The following VAV3 variants were observed in gnomAD, a reference collection of about 807,000 sequenced individuals.
VAV3 encodes the protein vav guanine nucleotide exchange factor 3, also known as guanine nucleotide exchange factor VAV3.
Under a neutral mutation model 131.2 loss-of-function variants are expected in VAV3, and 94 were observed. The ratio of observed to expected loss-of-function variants is 0.72; its 90% CI spans 0.61 to 0.85. The LOEUF (loss-of-function observed/expected upper bound fraction) is 0.85. Ranked by LOEUF, VAV3 falls within the 40% of genes least tolerant of loss-of-function variation. The pLI, the probability that VAV3 is intolerant of heterozygous loss-of-function variation, is 0.00. For missense variants in VAV3, 939 were observed against 1,002.7 expected, an observed-to-expected ratio of 0.94 and a Z score of 0.86; for synonymous variants, 349 against 342.0, an observed-to-expected ratio of 1.02 and a Z score of -0.22.
Position 107,782,372 on chromosome 1 carries a change from AT to A in VAV3, c.322-2881del, listed in dbSNP as rs771475136. On this transcript the variant is annotated intron_variant, in intron 2 of 26. Transcript: ENST00000370056. ...GCCTCTTTCAGAAAACTATAGCTTGATTTTTTTCATGAGTGTCCACCAGAGG... is the reference window on the plus strand; with the variant it reads ...GCCTCTTTCAGAAAACTATAGCTTGATTTTTTCATGAGTGTCCACCAGAGG... Among the ~76,000 whole-genome samples the A allele has an allele frequency of 7.9e-5, 12 of 152,154 alleles. No individual in the cohort carries two copies. The South Asian group carries it at 1.2e-3, about 16-fold the overall frequency.
intron 2 of VAV3, among the ~76,000 whole-genome samples, chr1:107,793,114 T>C (rs1159372653): frequency 6.6e-6 from 1 of 152,186 alleles, no homozygotes; most frequent in Admixed American, 6.5e-5. Context: ...CTGCAGACAC[T>C]ATAAAATGCT....
intron 5 of VAV3, 136 bp from the exon 6 acceptor site, chr1:107,770,864 T>C (rs1557835692): frequency 1.6e-6 from 1 of 637,868 alleles, no homozygotes. Context: ...GACATCTAAC[T>C]GCATTTGTGA....
In VAV3 at chr1:107,635,505, A is replaced by G. The variant is rs1023859968; in HGVS notation, c.1914+7114T>C. Among the ~76,000 whole-genome samples the G allele has an allele frequency of 2.0e-4, 31 of 151,634 alleles. 1 individual carries two copies. The highest frequency in any genetic ancestry group is 4.1e-4 in the Non-Finnish European group (28 of 67,854). On this transcript the variant is annotated intron_variant, in intron 20 of 26. Coordinates refer to ENST00000370056, the MANE Select transcript of VAV3 (RefSeq NM_006113.5). ...GGAGGGGGGAGGGATAGCATTAGGA[A>G]ATACACCTAATGTTAAATGAGAAGT...
chr1:107,797,258 T>C (rs1666593054), intron 2 of VAV3, among the ~76,000 whole-genome samples: 1 of 152,196 alleles, frequency 6.6e-6, no homozygotes, highest in Admixed American at 6.5e-5. Flanking sequence ...ACTTCAGCTT[T>C]CTTATAACAC....
chr1:107,893,912 T>C (rs1336658454), intron 1 of VAV3, among the ~76,000 whole-genome samples: 1 of 152,224 alleles, frequency 6.6e-6, no homozygotes, highest in Non-Finnish European at 1.5e-5. Context: ...AGGAAAACTC[T>C]TTCATGAAAT....
At position 107,766,454 on chromosome 1, in the gene VAV3, T is replaced by C; in HGVS notation, c.814A>G (p.Lys272Glu). ...TTAAACTTCAAAAGTTACCTTTCCT[T>C]GTAGTTAATAAAAACTTGGTACAAG... ...QNLYQVFINY[K>E]ERLVIYGQYC... The change falls in exon 8 of 27, where the codon AAG becomes GAG. Residue 272 changes from lysine (K) to glutamate (E), a missense_variant. Physicochemically the swap from Lys to Glu is moderately conservative, Grantham distance 56. Coordinates refer to ENST00000370056, the MANE Select transcript of VAV3 (RefSeq NM_006113.5). 1 of 1,607,392 alleles carries C rather than the reference T, an allele frequency of 6.2e-7. No individual in the cohort carries two copies. Among genetic ancestry groups the C allele is most frequent in the South Asian group, 1.1e-5 (1 of 90,594 alleles).
rs1324008947 is a variant in VAV3 at position 107,617,572 on chromosome 1, G to C, written c.1975C>G (p.Pro659Ala). ...ATTAAGATACTAATACTTACACATG[G>C]GCAAGGCTTGACTGCATCACTTGGA... ...FFPSDAVKPC[P>A]CVPKPVDYSC... The change falls in exon 21 of 27, where the codon CCA (proline) becomes GCA (alanine). Residue 659 changes from proline (P) to alanine (A), a missense_variant. Coordinates refer to ENST00000370056, the MANE Select transcript of VAV3 (RefSeq NM_006113.5). 1 of 1,611,244 alleles carries C rather than the reference G, an allele frequency of 6.2e-7. No homozygotes were observed. Among genetic ancestry groups the C allele is most frequent in the Admixed American group, 1.7e-5 (1 of 59,828 alleles).
At chr1:107,606,472 C>T (rs561547705) in intron 22 of VAV3, among the ~76,000 whole-genome samples, 19 of 152,202 alleles carry the variant, frequency 1.2e-4, no homozygotes, top group South Asian at 2.1e-4. Flanking sequence ...ACATGTCCTT[C>T]GGTTCTGAGA....
intron 17 of VAV3, among the ~76,000 whole-genome samples, chr1:107,700,407 G>T (rs571580245): frequency 1.6e-4 from 24 of 152,306 alleles, no homozygotes; most frequent in African/African-American, 5.5e-4. Context: ...CATCACCTAA[G>T]AATTAAGTGC....
At chr1:107,818,482 G>A (rs1212937289) in intron 2 of VAV3, among the ~76,000 whole-genome samples, 2 of 151,926 alleles carry the variant, frequency 1.3e-5, no homozygotes, top group African/African-American at 2.4e-5. Context: ...AGGAAAGGAG[G>A]GGAAAGGAAG....
At chr1:107,624,828 T>C (rs1009257176) in intron 20 of VAV3, among the ~76,000 whole-genome samples, 1 of 152,228 alleles carries the variant, frequency 6.6e-6, no homozygotes, top group Non-Finnish European at 1.5e-5. Flanking sequence ...GGCACTGTGT[T>C]ACATACTAAG....
chr1:107,817,078 G>A (rs1308894060), intron 2 of VAV3, among the ~76,000 whole-genome samples: 1 of 152,150 alleles, frequency 6.6e-6, no homozygotes, highest in Non-Finnish European at 1.5e-5. Context: ...AGGTGCTAAG[G>A]TATCTTTCCA....
At chr1:107,606,757 T>C (rs768545429) in intron 22 of VAV3, among the ~76,000 whole-genome samples, 42 of 151,282 alleles carry the variant, frequency 2.8e-4, no homozygotes, top group Non-Finnish European at 4.9e-4. Flanking sequence ...TTTGAAGATG[T>C]AAATAAAAGT....
At chr1:107,951,343 C>G (rs1031091933) in intron 1 of VAV3, among the ~76,000 whole-genome samples, 1 of 152,182 alleles carries the variant, frequency 6.6e-6, no homozygotes, top group Non-Finnish European at 1.5e-5. Context: ...CTTGCAAAAG[C>G]CTGACTCCCA....
intron 1 of VAV3, among the ~76,000 whole-genome samples, chr1:107,926,332 G>A (rs565690940): frequency 6.6e-6 from 1 of 152,138 alleles, no homozygotes; most frequent in South Asian, 2.1e-4. Flanking sequence ...GCTCCCATTG[G>A]CCAAACATAG....
chr1:107,888,835 T>C (rs1435194547), intron 1 of VAV3, among the ~76,000 whole-genome samples: 1 of 152,104 alleles, frequency 6.6e-6, no homozygotes, highest in Non-Finnish European at 1.5e-5. Context: ...TACATTCTAT[T>C]TTCTGTCTAT....
intron 15 of VAV3, among the ~76,000 whole-genome samples, chr1:107,744,104 G>T (rs1570880170): frequency 6.6e-6 from 1 of 152,200 alleles, no homozygotes; most frequent in Admixed American, 6.5e-5. Context: ...TCAGGCAGGG[G>T]CTGCCGCTCC....
intron 26 of VAV3, among the ~76,000 whole-genome samples, chr1:107,573,595 T>A (rs1227088422): frequency 6.6e-6 from 1 of 152,188 alleles, no homozygotes; most frequent in Non-Finnish European, 1.5e-5. Context: ...AGCACACAAA[T>A]AAATATGTAA....
At chr1:107,700,653 T>C (rs990455110) in intron 17 of VAV3, among the ~76,000 whole-genome samples, 1 of 152,228 alleles carries the variant, frequency 6.6e-6, no homozygotes, top group African/African-American at 2.4e-5. Flanking sequence ...TATGTCGGCA[T>C]GGTATTCTAT....
Sources: gnomAD v4.1 joint callset for allele counts (sites outside exome capture counted in the v4.1 genomes callset) on GRCh38, gnomAD v4.1.1 for gene constraint, MANE v1.5 for transcripts, NCBI Gene and HGNC (gene_info 2026-07-23, HGNC 2026-07-21) for gene names.